Variants in MYT1L observed in about 807,000 individuals in gnomAD.
MYT1L encodes myelin transcription factor 1 like.
A neutral mutation model predicts 126.7 loss-of-function variants in MYT1L; 12 were observed. The ratio of observed to expected loss-of-function variants is 0.09; its 90% CI spans 0.06 to 0.15. The LOEUF (loss-of-function observed/expected upper bound fraction) is 0.15, where lower values mean the gene tolerates loss of function less well. Among genes scored for constraint, MYT1L ranks in the 10% least tolerant of loss-of-function variants. The probability of loss-of-function intolerance (pLI) is 1.00; values close to 1 mark genes in which losing one functional copy is unlikely to be tolerated. For missense variants in MYT1L, 979 were observed against 1,585.2 expected, an observed-to-expected ratio of 0.62 and a Z score of 6.49; for synonymous variants, 541 against 604.2, an observed-to-expected ratio of 0.90 and a Z score of 1.53.
chr2:2,058,292 T>C lies in MYT1L; in HGVS notation c.-303-4169A>G, dbSNP rs12620860. On this transcript the variant is annotated intron_variant, in intron 3 of 24. Transcript: ENST00000647738. The stretch of plus-strand genomic sequence containing the variant: ...ACTACATTGTTTTAAATCGTTGAAT[T>C]TGAGATTTCATTGTATATTCTAGAT... Among the ~76,000 whole-genome samples, 134 of 152,362 alleles carry C rather than the reference T, an allele frequency of 8.8e-4. 2 individuals are homozygous for C. The East Asian group carries it at 0.025, about 29-fold the overall frequency.
intron 14 of MYT1L, among the ~76,000 whole-genome samples, chr2:1,893,555 G>T (rs2049191421): frequency 6.6e-6 from 1 of 152,162 alleles, no homozygotes; most frequent in Non-Finnish European, 1.5e-5. Flanking sequence ...GCTCCAAGCT[G>T]CCTAATTCTG....
chr2:1,996,691 C>A (rs960185444), intron 5 of MYT1L, among the ~76,000 whole-genome samples: 1 of 132,726 alleles, frequency 7.5e-6, no homozygotes, highest in African/African-American at 2.9e-5. Flanking sequence ...CTGCACAGAA[C>A]CGAGTGTAGA....
chr2:2,139,111 C>A (rs1447939886), intron 3 of MYT1L, among the ~76,000 whole-genome samples: 3 of 150,932 alleles, frequency 2.0e-5, no homozygotes, highest in Non-Finnish European at 4.4e-5. Context: ...TCTGGTCTAC[C>A]AAGAGGCGTG....
chr2:1,899,859 CAT>C (rs1448883295), intron 14 of MYT1L, among the ~76,000 whole-genome samples: 2 of 152,186 alleles, frequency 1.3e-5, no homozygotes, highest in African/African-American at 4.8e-5. Flanking sequence ...CAGACAGACA[CAT>C]AGACAGACAC....
At position 1,790,515 on chromosome 2, in the gene MYT1L, T is replaced by C. The variant is rs2147772099; in HGVS notation, c.*1352A>G. The stretch of plus-strand genomic sequence containing the variant: ...TTTAAAGCAAAAAAGTGCTGAAGTA[T>C]ATTTAGTTACTTTTAAAATCTGATT... On this transcript the variant is annotated 3_prime_UTR_variant, in exon 25 of 25. Transcript: ENST00000647738. 6.6e-6 allele frequency: 1 copy of C among 152,390 alleles called. No homozygotes were observed. Among genetic ancestry groups the C allele is most frequent in the African/African-American group, 2.4e-5 (1 of 41,590 alleles). The allele number at this position is 152,390 out of a possible 1,614,324, so 9.4% of individuals were successfully genotyped here. A position where few individuals can be genotyped will look rare whatever the true frequency, so the allele number is the denominator to read the frequency against.
intron 3 of MYT1L, among the ~76,000 whole-genome samples, chr2:2,071,554 G>T (rs1381353066): frequency 1.3e-5 from 2 of 152,180 alleles, no homozygotes; most frequent in Non-Finnish European, 2.9e-5. Flanking sequence ...AGAGTTCTCA[G>T]TTTGAGGGGG....
intron 4 of MYT1L, among the ~76,000 whole-genome samples, chr2:2,027,611 A>T (rs1291568195): frequency 6.6e-6 from 1 of 152,246 alleles, no homozygotes; most frequent in Non-Finnish European, 1.5e-5. Context: ...AAGAAATGAC[A>T]TCATGTACGA....
At chr2:2,265,110 AT>A (rs2095091285) in intron 2 of MYT1L, among the ~76,000 whole-genome samples, 1 of 150,810 alleles carries the variant, frequency 6.6e-6, no homozygotes, top group African/African-American at 2.4e-5. Context: ...TCACTGCAAC[AT>A]TTGCCTCCTG....
intron 3 of MYT1L, among the ~76,000 whole-genome samples, chr2:2,075,023 A>G (rs1336696885): frequency 6.6e-6 from 1 of 152,216 alleles, no homozygotes; most frequent in Non-Finnish European, 1.5e-5. Context: ...GTGAAGAAAC[A>G]TGTTCACAAT....
chr2:1,935,656 T>C (rs977710995), intron 9 of MYT1L, among the ~76,000 whole-genome samples: 1 of 152,162 alleles, frequency 6.6e-6, no homozygotes, highest in Non-Finnish European at 1.5e-5. Flanking sequence ...TGAGGTCCAG[T>C]GAAGCTAGGT....
chr2:2,159,825 T>G (rs934856216), intron 3 of MYT1L, among the ~76,000 whole-genome samples: 1 of 152,058 alleles, frequency 6.6e-6, no homozygotes, highest in Non-Finnish European at 1.5e-5. Flanking sequence ...ATCATTTGCA[T>G]TTCCTCTGGG....
At position 1,929,066 on chromosome 2, in the gene MYT1L, T is replaced by C. The variant is rs1487537928; in HGVS notation, c.506-5803A>G. Among the ~76,000 whole-genome samples the C allele has an allele frequency of 6.6e-6, 1 of 152,126 alleles. No individual in the cohort carries two copies. Among genetic ancestry groups the C allele is most frequent in the Non-Finnish European group, 1.5e-5 (1 of 68,002 alleles). On this transcript the variant is annotated intron_variant, in intron 9 of 24. Coordinates refer to ENST00000647738, the MANE Select transcript of MYT1L (RefSeq NM_001303052.2). This position sits in a 1 kb window ranked among gnomAD's most constrained non-coding sequence, Gnocchi z 4.7. ...TATGTGGAGCCCCTGGCTACTCCCC[T>C]GGCCAGGACCAGGCGGAGAAGCGTG...
intron 4 of MYT1L, among the ~76,000 whole-genome samples, chr2:2,001,797 G>A (rs1414536538): frequency 6.6e-6 from 1 of 152,142 alleles, no homozygotes; most frequent in East Asian, 1.9e-4. Flanking sequence ...AGCACCTCAG[G>A]GTTCAGCTGA....
chr2:2,324,267 A>G (rs1209416773), intron 1 of MYT1L: 1 of 152,204 alleles, frequency 6.6e-6, no homozygotes, highest in East Asian at 1.9e-4. Flanking sequence ...CCTTCGGCTA[A>G]GCCAGCGTCT....
intron 4 of MYT1L, among the ~76,000 whole-genome samples, chr2:2,016,813 T>G (rs2064458332): frequency 6.6e-6 from 1 of 152,258 alleles, no homozygotes; most frequent in South Asian, 2.1e-4. Flanking sequence ...TACCAGTACA[T>G]GCATCTAAGT....
At chr2:1,999,524 T>A (rs186672060) in intron 4 of MYT1L, among the ~76,000 whole-genome samples, 2 of 152,194 alleles carry the variant, frequency 1.3e-5, no homozygotes, top group Non-Finnish European at 2.9e-5. Context: ...ATGGAAAATA[T>A]GAAAGAACAG....
intron 3 of MYT1L, among the ~76,000 whole-genome samples, chr2:2,117,826 C>T (rs946026223): frequency 4.6e-5 from 7 of 152,210 alleles, no homozygotes; most frequent in African/African-American, 1.2e-4. Context: ...AAACTGGAGA[C>T]AACCCCCAAA....
chr2:2,156,223 T>G (rs1361642568), intron 3 of MYT1L, among the ~76,000 whole-genome samples: 1 of 152,238 alleles, frequency 6.6e-6, no homozygotes, highest in African/African-American at 2.4e-5. Context: ...GAATTAGAGC[T>G]CATAGACTCA....
At chr2:1,960,966 C>T (rs1462623858) in intron 8 of MYT1L, among the ~76,000 whole-genome samples, 2 of 152,252 alleles carry the variant, frequency 1.3e-5, no homozygotes, top group Non-Finnish European at 1.5e-5. Context: ...TGACATCACA[C>T]ATGCTGCCAA....
Sources: allele counts gnomAD v4.1 joint callset (sites outside exome capture counted in the v4.1 genomes callset), GRCh38; gene constraint gnomAD v4.1.1; non-coding constraint Gnocchi (gnomAD v3.1); transcripts MANE v1.5; gene names NCBI Gene and HGNC (gene_info 2026-07-23, HGNC 2026-07-21).